Variants in ACSF2 observed in about 807,000 individuals in gnomAD.
ACSF2 encodes acyl-CoA synthetase family member 2, also known as medium-chain acyl-CoA ligase ACSF2, mitochondrial.
ACSF2 carries 52 observed loss-of-function variants against 79.3 expected under a neutral mutation model. That is an observed-to-expected ratio of 0.66 (90% CI 0.53 to 0.83). ACSF2 has a LOEUF of 0.83. ACSF2 is among the 40% of genes least tolerant of loss of function. The pLI is 0.00. For synonymous variants in ACSF2, 283 were observed against 312.6 expected, an observed-to-expected ratio of 0.91 and a Z score of 1.00; for missense variants, 661 against 803.3, an observed-to-expected ratio of 0.82 and a Z score of 2.14.
In ACSF2 at chr17:50,429,830, C is replaced by T. The variant is rs574377523; in HGVS notation, c.128+3441C>T. On this transcript the variant is annotated intron_variant, in intron 1 of 15. Transcript: ENST00000300441. ...ACCACGCCCGGCCCAGAGTCTTTCT[C>T]CCCAGAAGGAAAGAAAAAGCTGTCC... Among the ~76,000 whole-genome samples, 42 of 152,140 alleles carry T rather than the reference C, an allele frequency of 2.8e-4. 1 individual carries two copies. In the South Asian group the frequency reaches 8.5e-3, roughly 31 times the overall value.
At chr17:50,454,858 T>TC (rs1308824202) in intron 1 of ACSF2, among the ~76,000 whole-genome samples, 1 of 151,994 alleles carries the variant, frequency 6.6e-6, no homozygotes, top group Non-Finnish European at 1.5e-5. Context: ...TTTTTTTTTT[T>TC]CCCCCATAAA....
intron 1 of ACSF2, among the ~76,000 whole-genome samples, chr17:50,434,094 G>A (rs1305443860): frequency 1.3e-5 from 2 of 149,794 alleles, no homozygotes; most frequent in South Asian, 2.1e-4. Context: ...TGGGAGGATC[G>A]CTTGAGCCCA....
chr17:50,456,264 A>T (rs1406321923), intron 1 of ACSF2, among the ~76,000 whole-genome samples: 1 of 152,132 alleles, frequency 6.6e-6, no homozygotes, highest in Non-Finnish European at 1.5e-5. Flanking sequence ...CATGGAGGAG[A>T]AGGCTCTTGT....
intron 1 of ACSF2, among the ~76,000 whole-genome samples, chr17:50,436,192 C>T (rs998068482): frequency 3.9e-5 from 6 of 151,940 alleles, no homozygotes; most frequent in African/African-American, 1.2e-4. Flanking sequence ...TGCAGTGGCG[C>T]GATCTCGGCT....
At chr17:50,427,304 G>T (rs1207890160) in intron 1 of ACSF2, among the ~76,000 whole-genome samples, 1 of 152,238 alleles carries the variant, frequency 6.6e-6, no homozygotes, top group Non-Finnish European at 1.5e-5. Flanking sequence ...TAAGTAGGAA[G>T]AGTTGGAGGG....
chr17:50,446,596 A>G (rs990149070), intron 1 of ACSF2, among the ~76,000 whole-genome samples: 3 of 152,226 alleles, frequency 2.0e-5, no homozygotes, highest in African/African-American at 7.2e-5. Flanking sequence ...GAACACACCC[A>G]TGTAACCAGC....
At chr17:50,460,619 C>T in intron 1 of ACSF2, 58 bp from the exon 2 acceptor site, 1 of 1,524,032 alleles carries the variant, frequency 6.6e-7, no homozygotes, top group Non-Finnish European at 8.9e-7. Flanking sequence ...TGTGCCATGC[C>T]CTTGGTTCCA....
intron 1 of ACSF2, chr17:50,460,227 C>A (rs1856794352): frequency 2.2e-6 from 1 of 457,136 alleles, no homozygotes; most frequent in South Asian, 1.5e-5. Flanking sequence ...ACTGGCCCAC[C>A]AAGGAGTCTA....
At chr17:50,469,533 G>C (rs1270731631) in intron 10 of ACSF2, among the ~76,000 whole-genome samples, 1 of 151,908 alleles carries the variant, frequency 6.6e-6, no homozygotes, top group East Asian at 1.9e-4. Context: ...CGTTTCTGTC[G>C]CCGGCGCCCT....
chr17:50,464,779 G>GGGT (rs1443406779), intron 10 of ACSF2: 11 of 259,806 alleles, frequency 4.2e-5, no homozygotes, highest in East Asian at 9.0e-5. Context: ...TGGGGGGGGG[G>GGGT]TCTCAGCAAC....
chr17:50,443,805 A>G (rs2031109229), intron 1 of ACSF2, among the ~76,000 whole-genome samples: 1 of 152,230 alleles, frequency 6.6e-6, no homozygotes, highest in Non-Finnish European at 1.5e-5. Context: ...TTTTATGTTG[A>G]AATTCATAGC....
At chr17:50,473,225 T>C (rs1490073749) in intron 12 of ACSF2, 1 of 169,342 alleles carries the variant, frequency 5.9e-6, no homozygotes, top group East Asian at 1.6e-4. Flanking sequence ...GCCACTGCAC[T>C]CAAGACTGGG....
chr17:50,457,363 G>A (rs1201828183), intron 1 of ACSF2, among the ~76,000 whole-genome samples: 1 of 152,238 alleles, frequency 6.6e-6, no homozygotes, highest in Non-Finnish European at 1.5e-5. Context: ...ACCATTGGTG[G>A]CCATCTCTGG....
At chr17:50,465,243 T>C in intron 10 of ACSF2, 1 of 1,605,692 alleles carries the variant, frequency 6.2e-7, no homozygotes, top group East Asian at 2.2e-5. Flanking sequence ...CCAGCTCACT[T>C]GCTGGAATCA....
At chr17:50,448,690 C>T (rs548176350) in intron 1 of ACSF2, among the ~76,000 whole-genome samples, 9 of 152,156 alleles carry the variant, frequency 5.9e-5, no homozygotes, top group Non-Finnish European at 1.2e-4. Context: ...TTATCCTCGG[C>T]TACAAGGATC....
At position 50,471,196 on chromosome 17, in the gene ACSF2, G is replaced by A; in HGVS notation, c.1323+61G>A. On this transcript the variant is annotated intron_variant, in intron 11 of 15. Coordinates refer to ENST00000300441, the MANE Select transcript of ACSF2 (RefSeq NM_025149.6). The surrounding 1 kb of genome is among the most constrained non-coding windows in gnomAD (Gnocchi z 4.1). ...CCGTCACCCAGCTGGGGTGCACCCA[G>A]CTGGGACATCGGTTGCTTTCAGTGA... 1.4e-6 allele frequency: 2 copies of A among 1,424,220 alleles called. No homozygotes were observed. Among genetic ancestry groups the A allele is most frequent in the South Asian group, 2.3e-5 (2 of 86,966 alleles). The allele number at this position is 1,424,220 out of a possible 1,614,324, so 88.2% of individuals were successfully genotyped here.
chr17:50,450,287 G>C (rs2031585997), intron 1 of ACSF2: 1 of 152,336 alleles, frequency 6.6e-6, no homozygotes, highest in Non-Finnish European at 1.5e-5. Context: ...ATCACTTGAG[G>C]TCAAGAGTTT....
At chr17:50,430,241 G>A (rs1915401011) in intron 1 of ACSF2, among the ~76,000 whole-genome samples, 1 of 152,132 alleles carries the variant, frequency 6.6e-6, no homozygotes, top group African/African-American at 2.4e-5. Flanking sequence ...TGGACCTAAG[G>A]GAAAAATCTG....
rs1323798247 is a variant in ACSF2, at chr17:50,463,956, C to T, written c.1138+47C>T. 6.3e-7 allele frequency: 1 copy of T among 1,584,662 alleles called. No homozygotes were observed. The highest frequency in any genetic ancestry group is 8.7e-7 in the Non-Finnish European group (1 of 1,154,234). On this transcript the variant is annotated intron_variant, in intron 9 of 15. Transcript: ENST00000300441. This position sits in a 1 kb window ranked among gnomAD's most constrained non-coding sequence, Gnocchi z 4.6. ...CCAGGCTTGGGGAGGGGGCTGCTTC[C>T]CCCACAGGAATGGCCCGGGTGAGTT... is the stretch of plus-strand genomic sequence containing the variant.
Sources: allele counts gnomAD v4.1 joint callset (sites outside exome capture counted in the v4.1 genomes callset), GRCh38; gene constraint gnomAD v4.1.1; non-coding constraint Gnocchi (gnomAD v3.1); transcripts MANE v1.5; gene names NCBI Gene and HGNC (gene_info 2026-07-23, HGNC 2026-07-21).